Variants in S100Z observed in about 807,000 individuals in gnomAD.
The protein encoded by S100Z is S100 calcium binding protein Z, also known as protein S100-Z.
Under a neutral mutation model 8.5 loss-of-function variants are expected in S100Z, and 11 were observed. The ratio of observed to expected loss-of-function variants is 1.30; its 90% CI spans 0.82 to 2.15. The LOEUF (loss-of-function observed/expected upper bound fraction) is 2.15. S100Z is among the 30% of genes most tolerant of loss of function. S100Z has a pLI of 0.00. For missense variants in S100Z, 126 were observed against 117.9 expected, an observed-to-expected ratio of 1.07 and a Z score of -0.32; for synonymous variants, 34 against 43.8, an observed-to-expected ratio of 0.78 and a Z score of 0.89.
At chr5:76,871,997 G>A (rs1743025949) in intron 2 of S100Z, among the ~76,000 whole-genome samples, 2 of 152,232 alleles carry the variant, frequency 1.3e-5, no homozygotes, top group African/African-American at 4.8e-5. Context: ...AGCACTTTGG[G>A]AGGCTAAGGC....
At chr5:76,915,633 AAAAT>A (rs532663696) in intron 4 of S100Z, among the ~76,000 whole-genome samples, 156 of 151,978 alleles carry the variant, frequency 1.0e-3, no homozygotes, top group African/African-American at 3.5e-3. Flanking sequence ...ATAAAAAATA[AAAAT>A]AAATAAATAA....
chr5:76,906,790 GC>G (rs1347914478), intron 4 of S100Z, among the ~76,000 whole-genome samples: 1 of 151,240 alleles, frequency 6.6e-6, no homozygotes, highest in East Asian at 1.9e-4. Context: ...CTGCCACCAC[GC>G]TCAGCTAATT....
intron 4 of S100Z, among the ~76,000 whole-genome samples, chr5:76,880,766 G>GT (rs968885893): frequency 1.3e-5 from 2 of 152,132 alleles, no homozygotes; most frequent in Non-Finnish European, 2.9e-5. Flanking sequence ...CTATCCTTGA[G>GT]TTTTTTTATG....
intron 4 of S100Z, among the ~76,000 whole-genome samples, chr5:76,904,992 C>G (rs1280951682): frequency 3.3e-5 from 5 of 152,158 alleles, no homozygotes; most frequent in Non-Finnish European, 5.9e-5. Flanking sequence ...AAACGAAGGG[C>G]AACTCTCATT....
At chr5:76,949,056 C>T in the S100Z span, among the ~76,000 whole-genome samples, 5 of 152,126 alleles carry the variant, frequency 3.3e-5, no homozygotes. Context: ...ACATGTTTAC[C>T]TATGTGACAA....
At chr5:76,944,624 A>T in the S100Z span, among the ~76,000 whole-genome samples, 1 of 152,114 alleles carries the variant, frequency 6.6e-6, no homozygotes, top group Non-Finnish European at 1.5e-5. Context: ...ACCACAGATA[A>T]CTAAACACCG....
the S100Z span, among the ~76,000 whole-genome samples, chr5:76,944,948 C>G: frequency 2.0e-5 from 3 of 152,068 alleles, no homozygotes; most frequent in African/African-American, 7.2e-5. Flanking sequence ...TAGAGTAAGG[C>G]TGAAGGGAGT....
intron 1 of S100Z, among the ~76,000 whole-genome samples, chr5:76,865,605 A>G (rs1751246649): frequency 6.6e-6 from 1 of 151,998 alleles, no homozygotes. Flanking sequence ...AAAAATAGAA[A>G]AAACTTATAG....
the S100Z span, among the ~76,000 whole-genome samples, chr5:76,944,071 C>T: frequency 6.6e-6 from 1 of 152,034 alleles, no homozygotes; most frequent in Non-Finnish European, 1.5e-5. Context: ...CTCACCCTAT[C>T]CCGGCCCCAT....
At chr5:76,925,296 C>T (rs564120388), downstream of S100Z, among the ~76,000 whole-genome samples, 33 of 152,180 alleles carry the variant, frequency 2.2e-4, no homozygotes, top group South Asian at 5.0e-3. Flanking sequence ...GGGGAGTATG[C>T]GGGGGTGTGA....
chr5:76,899,035 A>T (rs1191914792), intron 4 of S100Z, among the ~76,000 whole-genome samples: 2 of 147,016 alleles, frequency 1.4e-5, no homozygotes, highest in Non-Finnish European at 3.0e-5. Flanking sequence ...TCCCAGGTTC[A>T]AGTGTTTAAG....
intron 1 of S100Z, among the ~76,000 whole-genome samples, chr5:76,867,616 G>A (rs1479344710): frequency 1.3e-5 from 2 of 148,386 alleles, no homozygotes; most frequent in Admixed American, 6.7e-5. Context: ...TTTTGAGGTG[G>A]GGTCTCACTC....
chr5:76,918,860 C>T (rs183972305), intron 4 of S100Z, among the ~76,000 whole-genome samples: 3 of 152,332 alleles, frequency 2.0e-5, no homozygotes, highest in Admixed American at 2.0e-4. Context: ...CATTCCCTCC[C>T]ACTTGTCCCT....
chr5:76,887,395 CT>C (rs70982657), intron 4 of S100Z, among the ~76,000 whole-genome samples: 3,310 of 74,584 alleles, frequency 0.044, 105 homozygotes, highest in African/African-American at 0.15. Flanking sequence ...CTGTGCCAGG[CT>C]TTTTTTTTTT....
chr5:76,863,686 C>A (rs562445374), intron 1 of S100Z, among the ~76,000 whole-genome samples: 66 of 151,948 alleles, frequency 4.3e-4, no homozygotes, highest in East Asian at 9.7e-4. Flanking sequence ...CTACAGGCAC[C>A]CGCCACCACA....
intron 1 of S100Z, among the ~76,000 whole-genome samples, chr5:76,852,674 C>T (rs1750764199): frequency 6.6e-6 from 1 of 152,148 alleles, no homozygotes; most frequent in Non-Finnish European, 1.5e-5. Flanking sequence ...CCCGCTACTG[C>T]ACTGCACTCC....
At chr5:76,867,917 C>A (rs1333921543) in intron 1 of S100Z, among the ~76,000 whole-genome samples, 1 of 152,156 alleles carries the variant, frequency 6.6e-6, no homozygotes, top group Non-Finnish European at 1.5e-5. Flanking sequence ...CAAATCTGAT[C>A]ATTTCTCCCA....
At chr5:76,938,696 A>G in the S100Z span, among the ~76,000 whole-genome samples, 2 of 152,154 alleles carry the variant, frequency 1.3e-5, no homozygotes, top group East Asian at 3.8e-4. Context: ...CCTTCTACAT[A>G]TTTTATAGTT....
At chr5:76,925,151 T>G (rs1455072702), downstream of S100Z, among the ~76,000 whole-genome samples, 1 of 124,086 alleles carries the variant, frequency 8.1e-6, no homozygotes, top group Non-Finnish European at 1.9e-5. Context: ...CAAAGATGAG[T>G]GGCTAGATAG....
Sources: gnomAD v4.1 joint callset for allele counts (sites outside exome capture counted in the v4.1 genomes callset) on GRCh38, gnomAD v4.1.1 for gene constraint, MANE v1.5 for transcripts, NCBI Gene and HGNC (gene_info 2026-07-23, HGNC 2026-07-21) for gene names.